Variants in LRP1B observed in about 807,000 individuals in gnomAD.
LRP1B encodes LDL receptor related protein 1B, also known as low-density lipoprotein receptor-related protein 1B.
LRP1B carries 217 observed loss-of-function variants against 556.6 expected under a neutral mutation model. The observed-to-expected ratio is 0.39, with a 90% CI of 0.35 to 0.44. The LOEUF (loss-of-function observed/expected upper bound fraction) is 0.44, where lower values mean the gene tolerates loss of function less well. LRP1B is among the 20% of genes least tolerant of loss of function. LRP1B has a pLI of 1.00. For missense variants in LRP1B, 5,053 were observed against 5,620.8 expected, an observed-to-expected ratio of 0.90 and a Z score of 3.23; for synonymous variants, 2,047 against 1,865.8, an observed-to-expected ratio of 1.10 and a Z score of -2.50.
chr2:140,506,370 G>A (rs141510742), intron 53 of LRP1B, among the ~76,000 whole-genome samples: 2,037 of 151,898 alleles, frequency 0.013, 37 homozygotes, highest in African/African-American at 0.047. Flanking sequence ...TCAGGCTCCC[G>A]AGTAGCTGGG....
intron 35 of LRP1B, among the ~76,000 whole-genome samples, chr2:140,765,491 A>G (rs1425856085): frequency 2.6e-5 from 4 of 152,158 alleles, no homozygotes; most frequent in East Asian, 1.9e-4. Context: ...TAAAGCATCA[A>G]ATGCAGTATT....
chr2:141,109,666 C>A (rs887374518), intron 7 of LRP1B, among the ~76,000 whole-genome samples: 452 of 134,274 alleles, frequency 3.4e-3, no homozygotes, highest in Middle Eastern at 7.5e-3. Flanking sequence ...TACAACCTTG[C>A]AAAAAAAAAA....
intron 81 of LRP1B, among the ~76,000 whole-genome samples, chr2:140,322,657 G>A (rs1039715258): frequency 2.6e-5 from 4 of 152,030 alleles, no homozygotes; most frequent in Non-Finnish European, 2.9e-5. Flanking sequence ...GAGTTTGTGT[G>A]CATGTCTAAA....
At chr2:140,449,276 TATC>T (rs1172922975) in intron 63 of LRP1B, among the ~76,000 whole-genome samples, 1 of 152,132 alleles carries the variant, frequency 6.6e-6, no homozygotes, top group Non-Finnish European at 1.5e-5. Flanking sequence ...TATTTACTGT[TATC>T]ATAGAAAATT....
At chr2:141,573,745 T>A (rs1189904998) in intron 2 of LRP1B, among the ~76,000 whole-genome samples, 3 of 147,652 alleles carry the variant, frequency 2.0e-5, no homozygotes, top group Non-Finnish European at 3.0e-5. Flanking sequence ...ATAGACACAA[T>A]AAAAAATGAT....
At position 141,005,449 on chromosome 2, in the gene LRP1B, T is replaced by C. The variant is rs2105374028; in HGVS notation, c.2389A>G (p.Met797Val). 1 of 1,609,878 alleles carries C rather than the reference T, an allele frequency of 6.2e-7. No homozygotes were observed. Among genetic ancestry groups the C allele is most frequent in the Non-Finnish European group, 8.5e-7 (1 of 1,177,334 alleles). ...YDPRKQQGDN[M>V]CRVNNGGCST... ...CAGCCCCCATTATTTACTCGGCACA[T>C]ATTGTCACCTGCAAGAGGAAGAAAG... The change falls in exon 15 of 91, where the codon ATG becomes GTG. Residue 797 changes from methionine to valine, a missense_variant. Met to Val is a conservative substitution (Grantham distance 21). Around this residue, in one of 5 missense-constraint regions of LRP1B, gnomAD observed 3,619 missense variants for 3,931.9 expected, o/e 0.92. Coordinates refer to ENST00000389484, the MANE Select transcript of LRP1B (RefSeq NM_018557.3).
chr2:141,062,636 T>C (rs1225029430), intron 7 of LRP1B, among the ~76,000 whole-genome samples: 1 of 151,844 alleles, frequency 6.6e-6, no homozygotes, highest in Non-Finnish European at 1.5e-5. Flanking sequence ...GCATGTGAGC[T>C]ATCAGCCTTT....
chr2:141,471,284 T>TTGTTTTTGTTG (rs1682462223), intron 3 of LRP1B, among the ~76,000 whole-genome samples: 1 of 142,286 alleles, frequency 7.0e-6, no homozygotes, highest in Admixed American at 7.1e-5. Flanking sequence ...TTTTTTTTTT[T>TTGTTTTTGTTG]TTTTTTTTTT....
Position 140,971,983 on chromosome 2 carries a change from C to A in LRP1B, c.2887+10177G>T, listed in dbSNP as rs991200246. Among the ~76,000 whole-genome samples, 3 of 152,184 alleles carry A rather than the reference C, an allele frequency of 2.0e-5. No individual in the cohort carries two copies. The South Asian group carries it at 6.2e-4, about 32-fold the overall frequency. On this transcript the variant is annotated intron_variant, in intron 18 of 90. Transcript: ENST00000389484. ...ACAAGCACTGCAAGCAACTCATATC[C>A]TCAAGCAAGAAATTGGGGAAATGCT...
chr2:141,268,121 T>G (rs1445635028), intron 3 of LRP1B, among the ~76,000 whole-genome samples: 1 of 152,004 alleles, frequency 6.6e-6, no homozygotes, highest in Admixed American at 6.6e-5. Flanking sequence ...CAAAGACAAA[T>G]GCAAAGCTCC....
At chr2:140,826,384 T>C (rs1484793206) in intron 31 of LRP1B, among the ~76,000 whole-genome samples, 1 of 152,176 alleles carries the variant, frequency 6.6e-6, no homozygotes, top group Non-Finnish European at 1.5e-5. Context: ...GTTAGGTTAA[T>C]TGGCATGTTT....
intron 66 of LRP1B, among the ~76,000 whole-genome samples, chr2:140,415,158 C>A (rs1306125053): frequency 6.6e-6 from 1 of 152,122 alleles, no homozygotes; most frequent in Admixed American, 6.5e-5. Flanking sequence ...CGGTTCTCTG[C>A]TCGTGAAGGC....
At chr2:140,384,038 C>T (rs187178411) in intron 67 of LRP1B, among the ~76,000 whole-genome samples, 24 of 152,248 alleles carry the variant, frequency 1.6e-4, no homozygotes, top group Non-Finnish European at 2.8e-4. Flanking sequence ...CTTAGAAAAC[C>T]GCAGCAGACT....
intron 41 of LRP1B, among the ~76,000 whole-genome samples, chr2:140,618,577 G>T (rs372103185): frequency 6.6e-6 from 1 of 152,082 alleles, no homozygotes; most frequent in Admixed American, 6.6e-5. Context: ...TTCATGCCAT[G>T]CCAGAACAAG....
intron 1 of LRP1B, among the ~76,000 whole-genome samples, chr2:141,836,506 A>C (rs1697284080): frequency 6.6e-6 from 1 of 151,928 alleles, no homozygotes; most frequent in Admixed American, 6.6e-5. Context: ...TCCTCTAAGC[A>C]GAATCAAACA....
At chr2:140,793,322 A>G (rs549515814) in intron 32 of LRP1B, among the ~76,000 whole-genome samples, 82 of 152,144 alleles carry the variant, frequency 5.4e-4, no homozygotes, top group African/African-American at 1.9e-3. Flanking sequence ...ACAACTTTTT[A>G]AATATCAGAT....
In LRP1B at chr2:141,420,332, G is replaced by A. The variant is rs1233764675; in HGVS notation, c.343+60064C>T. Reference sequence around the variant, plus strand: ...TGTTGGGATATAAACATTTGAAAATGCAGCCACGTATCCCAGTCTTTATGA... The same window carrying A: ...TGTTGGGATATAAACATTTGAAAATACAGCCACGTATCCCAGTCTTTATGA... On this transcript the variant is annotated intron_variant, in intron 3 of 90. Coordinates refer to ENST00000389484, the MANE Select transcript of LRP1B (RefSeq NM_018557.3). 2.6e-5 allele frequency among the ~76,000 whole-genome samples: 4 copies of A among 152,286 alleles called. No homozygotes were observed. The East Asian group carries it at 5.8e-4, about 22-fold the overall frequency.
Position 141,295,746 on chromosome 2 carries a change from AACACAC to A in LRP1B, c.344-41111_344-41106del, listed in dbSNP as rs376812743. Among the ~76,000 whole-genome samples, 770 of 130,588 alleles carry A rather than the reference AACACAC, an allele frequency of 5.9e-3. 8 individuals carry two copies. The highest frequency in any genetic ancestry group is 0.024 in the South Asian group (92 of 3,784). The allele number at this position is 130,588 out of a possible 152,430, so 85.7% of individuals were successfully genotyped here. ...ACTCCAACTTTACTATGAGGAGAGA[AACACAC>A]ACACACACACACACACACACACACA... is the stretch of plus-strand genomic sequence containing the variant. On this transcript the variant is annotated intron_variant, in intron 3 of 90. Coordinates refer to ENST00000389484, the MANE Select transcript of LRP1B (RefSeq NM_018557.3).
intron 41 of LRP1B, among the ~76,000 whole-genome samples, chr2:140,668,976 T>C (rs920206143): frequency 1.3e-5 from 2 of 152,200 alleles, no homozygotes; most frequent in Admixed American, 6.5e-5. Flanking sequence ...AATGGAAGAA[T>C]GTTGTGAAGA....
Sources: allele counts gnomAD v4.1 joint callset (sites outside exome capture counted in the v4.1 genomes callset), GRCh38; gene constraint gnomAD v4.1.1; regional missense constraint gnomAD v4.1.1; transcripts MANE v1.5; gene names NCBI Gene and HGNC (gene_info 2026-07-23, HGNC 2026-07-21).